The following PIEZO2 variants were observed in gnomAD, a reference collection of about 807,000 sequenced individuals.
PIEZO2 encodes the protein piezo type mechanosensitive ion channel component 2.
PIEZO2 carries 172 observed loss-of-function variants against 337.3 expected under a neutral mutation model. That is an observed-to-expected ratio of 0.51 (90% CI 0.45 to 0.58). The LOEUF (loss-of-function observed/expected upper bound fraction) is 0.58, where lower values mean the gene tolerates loss of function less well. Among genes scored for constraint, PIEZO2 ranks in the 20% least tolerant of loss-of-function variants. The pLI is 0.00. For missense variants in PIEZO2, 3,028 were observed against 3,391.3 expected (o/e 0.89, Z 2.66); for synonymous variants, 1,251 against 1,228.5 (o/e 1.02, Z -0.38).
At position 11,048,292 on chromosome 18, in the gene PIEZO2, G is replaced by T. The variant is rs1009949584; in HGVS notation, c.160+17835C>A. Among the ~76,000 whole-genome samples the T allele has an allele frequency of 3.9e-5, 6 of 152,166 alleles. No individual in the cohort carries two copies. The highest frequency in any genetic ancestry group is 1.4e-4 in the African/African-American group (6 of 41,430). Reference sequence around the variant, plus strand: ...GAGGGAAAGAAGAAAGGACAAAATGGTGACCCACAAGATTGAAAAGACCTG... The same window carrying T: ...GAGGGAAAGAAGAAAGGACAAAATGTTGACCCACAAGATTGAAAAGACCTG... On this transcript the variant is annotated intron_variant, in intron 2 of 55. Transcript: ENST00000674853. The surrounding 1 kb of genome is among the most constrained non-coding windows in gnomAD (Gnocchi z 4.5).
chr18:11,022,456 T>G (rs2036345805), intron 2 of PIEZO2, among the ~76,000 whole-genome samples: 1 of 152,184 alleles, frequency 6.6e-6, no homozygotes, highest in Non-Finnish European at 1.5e-5. Flanking sequence ...TTGTCTCAGT[T>G]GTAAAGGCTA....
At chr18:10,907,410 T>G (rs2030044635) in intron 4 of PIEZO2, among the ~76,000 whole-genome samples, 1 of 150,794 alleles carries the variant, frequency 6.6e-6, no homozygotes, top group East Asian at 2.0e-4. Context: ...GCCGCTGCAT[T>G]CCAGTCTGGG....
At chr18:10,885,336 A>G (rs927733893) in intron 4 of PIEZO2, among the ~76,000 whole-genome samples, 1 of 152,188 alleles carries the variant, frequency 6.6e-6, no homozygotes, top group Non-Finnish European at 1.5e-5. Flanking sequence ...AGGCAGGAGA[A>G]TGGCATGAAC....
intron 49 of PIEZO2, among the ~76,000 whole-genome samples, chr18:10,683,983 A>G (rs1366723761): frequency 1.3e-5 from 2 of 151,654 alleles, no homozygotes; most frequent in African/African-American, 4.9e-5. Flanking sequence ...CTCTTAATCC[A>G]TCTCAAATTA....
intron 2 of PIEZO2, among the ~76,000 whole-genome samples, chr18:10,985,853 C>T (rs1214861515): frequency 6.6e-6 from 1 of 151,772 alleles, no homozygotes; most frequent in Non-Finnish European, 1.5e-5. Context: ...AAATAATTAA[C>T]AAAATGTCAA....
At chr18:10,793,563 T>G (rs2039482185) in intron 13 of PIEZO2, among the ~76,000 whole-genome samples, 1 of 152,178 alleles carries the variant, frequency 6.6e-6, no homozygotes, top group Non-Finnish European at 1.5e-5. Flanking sequence ...CTGTGATGAA[T>G]TTACACAGTC....
chr18:11,079,240 T>A (rs1248059518), intron 1 of PIEZO2, among the ~76,000 whole-genome samples: 1 of 152,316 alleles, frequency 6.6e-6, no homozygotes, highest in African/African-American at 2.4e-5. Context: ...CTCCCTGCTT[T>A]CTCCTAAAGT....
At position 10,670,841 on chromosome 18, in the gene PIEZO2, T is replaced by G. The variant is rs2033738560; in HGVS notation, c.*686A>C. ...ATAACAAAGCAGGTGTACACATCAT[T>G]TGTTTTGCTCCTTTTTTTTTTTTTT... is the stretch of plus-strand genomic sequence containing the variant. On this transcript the variant is annotated 3_prime_UTR_variant, in exon 56 of 56. Coordinates refer to ENST00000674853, the MANE Select transcript of PIEZO2 (RefSeq NM_001378183.1). 1 of 152,572 alleles carries G rather than the reference T, an allele frequency of 6.6e-6. No homozygotes were observed. 9.5% of individuals were successfully genotyped at this position (152,572 alleles called of 1,614,324 possible). A position where few individuals can be genotyped will look rare whatever the true frequency, so the allele number is the denominator to read the frequency against.
intron 47 of PIEZO2, among the ~76,000 whole-genome samples, chr18:10,692,766 C>T (rs577412621): frequency 2.9e-4 from 44 of 152,334 alleles, no homozygotes; most frequent in African/African-American, 1.1e-3. Flanking sequence ...TTGATCATCA[C>T]AGCTTTATAA....
intron 47 of PIEZO2, among the ~76,000 whole-genome samples, chr18:10,695,490 A>G (rs915023673): frequency 1.3e-5 from 2 of 152,188 alleles, no homozygotes; most frequent in African/African-American, 4.8e-5. Context: ...TATTAACAGC[A>G]GCAGAGTCCA....
intron 3 of PIEZO2, among the ~76,000 whole-genome samples, chr18:10,948,435 C>T (rs896409935): frequency 6.6e-6 from 1 of 152,118 alleles, no homozygotes; most frequent in Non-Finnish European, 1.5e-5. Flanking sequence ...TCTTTCACTA[C>T]CAGCAAATGC....
intron 3 of PIEZO2, among the ~76,000 whole-genome samples, chr18:10,970,654 GAT>G (rs1435951048): frequency 7.5e-6 from 1 of 132,932 alleles, no homozygotes; most frequent in Non-Finnish European, 1.6e-5. Flanking sequence ...GAACAAAAAA[GAT>G]GTTTCACACA....
At chr18:10,925,378 G>A (rs1249904539) in intron 3 of PIEZO2, among the ~76,000 whole-genome samples, 1 of 152,148 alleles carries the variant, frequency 6.6e-6, no homozygotes, top group Non-Finnish European at 1.5e-5. Context: ...GTAAAAGCAA[G>A]ACACTCACTC....
chr18:10,724,976 C>T lies in PIEZO2; in HGVS notation c.5029+6431G>A. The T allele has an allele frequency of 6.3e-7, 1 of 1,584,108 alleles. No homozygotes were observed. Among genetic ancestry groups the T allele is most frequent in the East Asian group, 2.2e-5 (1 of 44,734 alleles). On this transcript the variant is annotated intron_variant, in intron 36 of 55. Coordinates refer to ENST00000674853, the MANE Select transcript of PIEZO2 (RefSeq NM_001378183.1). The surrounding 1 kb of genome is among the most constrained non-coding windows in gnomAD (Gnocchi z 5.8). Reference sequence around the variant, plus strand: ...ACCCTGCGGCCTGCAGCCTCCCTGCCTCACATTACTAAGACTCAAAGCGAT... The same window carrying T: ...ACCCTGCGGCCTGCAGCCTCCCTGCTTCACATTACTAAGACTCAAAGCGAT...
In PIEZO2 at chr18:10,993,902, G is replaced by A. The variant is rs556044402; in HGVS notation, c.161-14242C>T. ...GGTTTTGGGGAACAGGTGATATTTG[G>A]TTACACAAGTAAGTTCTTTGGTAGT... On this transcript the variant is annotated intron_variant, in intron 2 of 55. Transcript: ENST00000674853. The surrounding 1 kb of genome is among the most constrained non-coding windows in gnomAD (Gnocchi z 5.0). Among the ~76,000 whole-genome samples, 1 of 152,138 alleles carries A rather than the reference G, an allele frequency of 6.6e-6. No homozygotes were observed. Among genetic ancestry groups the A allele is most frequent in the African/African-American group, 2.4e-5 (1 of 41,512 alleles).
rs185013471 is a variant in PIEZO2 at position 10,833,617 on chromosome 18, G to A, written c.917+21736C>T. Reference sequence around the variant, plus strand: ...ACGCAAGCTGTGAGGACCTCACCTCGCAGAGGCTTCCAGAGCCAAGTACAG... The same window carrying A: ...ACGCAAGCTGTGAGGACCTCACCTCACAGAGGCTTCCAGAGCCAAGTACAG... On this transcript the variant is annotated intron_variant, in intron 7 of 55. Transcript: ENST00000674853. The surrounding 1 kb of genome is among the most constrained non-coding windows in gnomAD (Gnocchi z 4.7). Among the ~76,000 whole-genome samples, 296 of 152,258 alleles carry A rather than the reference G, an allele frequency of 1.9e-3. 1 individual carries two copies. Among genetic ancestry groups the A allele is most frequent in the Non-Finnish European group, 1.5e-3 (103 of 68,012 alleles).
At chr18:10,995,070 TC>T (rs1408682136) in intron 2 of PIEZO2, among the ~76,000 whole-genome samples, 7 of 33,142 alleles carry the variant, frequency 2.1e-4, no homozygotes, top group African/African-American at 1.2e-3. Flanking sequence ...AGAGTGAGAC[TC>T]CGTCTCAAAA....
chr18:10,849,515 G>A (rs1476322870), intron 7 of PIEZO2, among the ~76,000 whole-genome samples: 2 of 152,056 alleles, frequency 1.3e-5, no homozygotes, highest in Admixed American at 6.5e-5. Flanking sequence ...TCCCGCCCCC[G>A]GCTCCTTTGC....
rs139257546 is a variant in PIEZO2, at chr18:10,685,078, G to A, written c.7498-2786C>T. ...CATGGTATAAGCAGAATAAGAGTGAGTGGCCTGCACTGTGTGTGCTCGGAC... is the reference window on the plus strand; with the variant it reads ...CATGGTATAAGCAGAATAAGAGTGAATGGCCTGCACTGTGTGTGCTCGGAC... On this transcript the variant is annotated intron_variant, in intron 49 of 55. Coordinates refer to ENST00000674853, the MANE Select transcript of PIEZO2 (RefSeq NM_001378183.1). 2.7e-3 allele frequency among the ~76,000 whole-genome samples: 408 copies of A among 152,300 alleles called. 3 individuals are homozygous for A. The highest frequency in any genetic ancestry group is 9.0e-3 in the African/African-American group (376 of 41,570).
Sources: allele counts gnomAD v4.1 joint callset (sites outside exome capture counted in the v4.1 genomes callset), GRCh38; gene constraint gnomAD v4.1.1; non-coding constraint Gnocchi (gnomAD v3.1); transcripts MANE v1.5; gene names NCBI Gene and HGNC (gene_info 2026-07-23, HGNC 2026-07-21).